Variants in CNOT4 observed in about 807,000 individuals in gnomAD.
The protein encoded by CNOT4 is CCR4-NOT transcription complex subunit 4.
A neutral mutation model predicts 73.8 loss-of-function variants in CNOT4; 8 were observed. The observed-to-expected ratio is 0.11, with a 90% confidence interval of 0.06 to 0.20. CNOT4 has a LOEUF of 0.20. CNOT4 is among the 10% of genes least tolerant of loss of function. The pLI, the probability that CNOT4 is intolerant of heterozygous loss-of-function variation, is 1.00. For synonymous variants in CNOT4, 293 were observed against 321.1 expected (o/e 0.91, Z 0.94); for missense variants, 564 against 883.4 (o/e 0.64, Z 4.58).
At chr7:135,486,092 C>T (rs1300150420) in intron 1 of CNOT4, among the ~76,000 whole-genome samples, 8 of 151,858 alleles carry the variant, frequency 5.3e-5, no homozygotes, top group South Asian at 2.1e-4. Context: ...CACAAATCAC[C>T]GCTAAAGAAC....
In CNOT4 at chr7:135,362,614, T is replaced by C; in HGVS notation, c.*271A>G. ...AATTTTCTAAGTATTGAGACTGCCC[T>C]TTGATTTTTTTTTCTCTCCTTAAAA... On this transcript the variant is annotated 3_prime_UTR_variant, in exon 12 of 12. Coordinates refer to ENST00000541284, the MANE Select transcript of CNOT4 (RefSeq NM_001190850.2). 1 of 572,214 alleles carries C rather than the reference T, an allele frequency of 1.7e-6. No individual in the cohort carries two copies. Among genetic ancestry groups the C allele is most frequent in the Non-Finnish European group, 3.1e-6 (1 of 319,414 alleles). 35.4% of individuals were successfully genotyped at this position (572,214 alleles called of 1,614,324 possible). A position where few individuals can be genotyped will look rare whatever the true frequency, so the allele number is the denominator to read the frequency against.
intron 2 of CNOT4, among the ~76,000 whole-genome samples, chr7:135,437,495 G>A (rs113401929): frequency 0.02 from 3,047 of 152,126 alleles, 108 homozygotes; most frequent in African/African-American, 0.07. Context: ...GGCCAGGAGG[G>A]GCTTTTCAAT....
At chr7:135,409,988 TAGG>T (rs935659803) in intron 7 of CNOT4, among the ~76,000 whole-genome samples, 59 of 152,146 alleles carry the variant, frequency 3.9e-4, no homozygotes, top group Admixed American at 7.2e-4. Context: ...AGATGGAAGA[TAGG>T]AGATGACTGG....
intron 1 of CNOT4, among the ~76,000 whole-genome samples, chr7:135,488,558 G>C (rs2129487575): frequency 1.3e-5 from 2 of 152,294 alleles, no homozygotes; most frequent in South Asian, 4.1e-4. Flanking sequence ...GGCTGTTAGA[G>C]TCTAAGTTTA....
At chr7:135,439,871 T>C (rs1374194701) in intron 1 of CNOT4, among the ~76,000 whole-genome samples, 1 of 152,094 alleles carries the variant, frequency 6.6e-6, no homozygotes. Flanking sequence ...GACCATTTTA[T>C]AAACAGTGAT....
chr7:135,460,697 A>T (rs757909964), intron 1 of CNOT4, among the ~76,000 whole-genome samples: 9 of 152,316 alleles, frequency 5.9e-5, no homozygotes, highest in South Asian at 4.1e-4. Context: ...CCGAAACATG[A>T]AGCAAGTATA....
chr7:135,460,076 G>T (rs1048484991), intron 1 of CNOT4, among the ~76,000 whole-genome samples: 2 of 152,232 alleles, frequency 1.3e-5, no homozygotes, highest in African/African-American at 4.8e-5. Flanking sequence ...TACAATGGAA[G>T]AGAGAGCCTT....
At chr7:135,476,567 C>T (rs938084795) in intron 1 of CNOT4, among the ~76,000 whole-genome samples, 1 of 152,116 alleles carries the variant, frequency 6.6e-6, no homozygotes, top group Non-Finnish European at 1.5e-5. Flanking sequence ...GTCCTAGCTA[C>T]GGGGTAGGCT....
chr7:135,371,699 C>A (rs1026505704), intron 10 of CNOT4, among the ~76,000 whole-genome samples: 1 of 151,808 alleles, frequency 6.6e-6, no homozygotes, highest in African/African-American at 2.4e-5. Context: ...TATGAAGGAT[C>A]TAAGGAATCA....
intron 1 of CNOT4, among the ~76,000 whole-genome samples, chr7:135,502,465 C>T (rs1804045157): frequency 6.6e-6 from 1 of 152,160 alleles, no homozygotes; most frequent in Non-Finnish European, 1.5e-5. Flanking sequence ...ATAAACTCTA[C>T]AAAGAAGTTC....
At chr7:135,468,353 T>G (rs1010206856) in intron 1 of CNOT4, among the ~76,000 whole-genome samples, 1 of 151,948 alleles carries the variant, frequency 6.6e-6, no homozygotes, top group Non-Finnish European at 1.5e-5. Flanking sequence ...ATTTCCCCAC[T>G]CTCAGATAAG....
At chr7:135,436,590 T>C (rs1293794631) in intron 2 of CNOT4, among the ~76,000 whole-genome samples, 1 of 151,512 alleles carries the variant, frequency 6.6e-6, no homozygotes, top group African/African-American at 2.4e-5. Context: ...TACCTTTCCA[T>C]TCACATTTCT....
At chr7:135,482,170 G>A (rs1190382881) in intron 1 of CNOT4, among the ~76,000 whole-genome samples, 1 of 152,108 alleles carries the variant, frequency 6.6e-6, no homozygotes, top group East Asian at 1.9e-4. Context: ...CACATTCTAT[G>A]CATATAATAC....
chr7:135,509,859 T>A, intron 1 of CNOT4, 30 bp downstream of exon 1: 2 of 393,682 alleles, frequency 5.1e-6, no homozygotes, highest in Admixed American at 8.9e-5. Context: ...GCCCCGGGTT[T>A]CCCCTAAGCC....
intron 10 of CNOT4, among the ~76,000 whole-genome samples, chr7:135,376,837 T>A (rs1795549387): frequency 6.6e-6 from 1 of 152,218 alleles, no homozygotes; most frequent in Admixed American, 6.5e-5. Context: ...TTCTGAAACA[T>A]CATTTTAATT....
At chr7:135,442,105 A>G (rs1311837646) in intron 1 of CNOT4, among the ~76,000 whole-genome samples, 1 of 152,228 alleles carries the variant, frequency 6.6e-6, no homozygotes, top group East Asian at 1.9e-4. Context: ...AAAGAATTTG[A>G]TGTACTCATC....
At chr7:135,390,430 T>C (rs892956801) in intron 10 of CNOT4, among the ~76,000 whole-genome samples, 2 of 152,034 alleles carry the variant, frequency 1.3e-5, no homozygotes, top group Non-Finnish European at 2.9e-5. Context: ...AAAGAAGGCA[T>C]ATGGTTCCAA....
intron 1 of CNOT4, among the ~76,000 whole-genome samples, chr7:135,503,485 C>T (rs1027131336): frequency 6.6e-6 from 1 of 151,612 alleles, no homozygotes; most frequent in African/African-American, 2.4e-5. Flanking sequence ...AGTTCTAGTA[C>T]GAATGAAACA....
At chr7:135,470,138 G>A (rs149142029) in intron 1 of CNOT4, among the ~76,000 whole-genome samples, 129 of 149,824 alleles carry the variant, frequency 8.6e-4, no homozygotes, top group African/African-American at 2.8e-3. Context: ...TGTTTTTTTG[G>A]GGGGGGAGGC....
Sources: allele counts gnomAD v4.1 joint callset (sites outside exome capture counted in the v4.1 genomes callset), GRCh38; gene constraint gnomAD v4.1.1; transcripts MANE v1.5; gene names NCBI Gene and HGNC (gene_info 2026-07-23, HGNC 2026-07-21).